The following SLC25A24 variants were observed in gnomAD, a reference collection of about 807,000 sequenced individuals.
The protein encoded by SLC25A24 is solute carrier family 25 member 24.
SLC25A24 carries 49 observed loss-of-function variants against 60.7 expected under a neutral mutation model. The observed-to-expected ratio is 0.81, with a 90% CI of 0.64 to 1.02. The LOEUF (loss-of-function observed/expected upper bound fraction) is 1.02. Among genes scored for constraint, SLC25A24 ranks in the 50% least tolerant of loss-of-function variants. The pLI is 0.00. For synonymous variants in SLC25A24, 202 were observed against 200.6 expected (o/e 1.01, Z -0.06); for missense variants, 564 against 586.3 (o/e 0.96, Z 0.39).
chr1:108,189,260 T>A (rs1273008365), intron 1 of SLC25A24, among the ~76,000 whole-genome samples: 2 of 152,188 alleles, frequency 1.3e-5, no homozygotes, highest in East Asian at 3.9e-4. Flanking sequence ...ACAATAGTCC[T>A]CCCTTATCCA....
chr1:108,134,544 A>T lies in SLC25A24; in HGVS notation c.*2109T>A, dbSNP rs1558003877. On this transcript the variant is annotated 3_prime_UTR_variant, in exon 10 of 10. Transcript: ENST00000565488. ...TGTGAACCCCAGGGCTGTAACTCTA[A>T]TGGGTAAATGTGGAATTTTGATATC... 1 of 152,132 alleles carries T rather than the reference A, an allele frequency of 6.6e-6. No homozygotes were observed. Among genetic ancestry groups the T allele is most frequent in the Non-Finnish European group, 1.5e-5 (1 of 68,012 alleles). The allele number at this position is 152,132 out of a possible 1,614,324, so 9.4% of individuals were successfully genotyped here. A position where few individuals can be genotyped will look rare whatever the true frequency, so the allele number is the denominator to read the frequency against.
chr1:108,182,036 A>C lies in SLC25A24; in HGVS notation c.311-8T>G, dbSNP rs141716024. ...CTGAAGCCTCAATTTTTCCTTTAAA[A>C]AAATAAAAAGGGCAAAAAATAAAAC... On this transcript the variant is annotated splice_region_variant and splice_polypyrimidine_tract_variant and intron_variant, in intron 2 of 9. Transcript: ENST00000565488. The C allele has an allele frequency of 6.3e-7, 1 of 1,583,686 alleles. No homozygotes were observed. The highest frequency in any genetic ancestry group is 2.2e-5 in the East Asian group (1 of 44,630).
intron 5 of SLC25A24, among the ~76,000 whole-genome samples, chr1:108,156,096 A>G (rs780543673): frequency 6.6e-5 from 10 of 152,310 alleles, no homozygotes; most frequent in Admixed American, 1.3e-4. Flanking sequence ...TTGGTCTGCA[A>G]TATTCCATGC....
intron 1 of SLC25A24, among the ~76,000 whole-genome samples, chr1:108,190,211 T>C (rs539280519): frequency 2.0e-5 from 3 of 152,196 alleles, no homozygotes; most frequent in Admixed American, 6.5e-5. Context: ...CGTTTCCTGA[T>C]TGGGGGCTGC....
At chr1:108,178,192 A>C (rs1261253494) in intron 3 of SLC25A24, among the ~76,000 whole-genome samples, 2 of 151,954 alleles carry the variant, frequency 1.3e-5, no homozygotes, top group African/African-American at 2.4e-5. Context: ...AACAACAAAT[A>C]AAATAAAATA....
chr1:108,160,731 C>T lies in SLC25A24; in HGVS notation c.510+451G>A, dbSNP rs112990040. Among the ~76,000 whole-genome samples, 832 of 152,336 alleles carry T rather than the reference C, an allele frequency of 5.5e-3. 6 individuals are homozygous for T. The highest frequency in any genetic ancestry group is 0.02 in the African/African-American group (814 of 41,578). ...GGGAGGCCGAGGCTGGTGGATCACTCGCGGTCAGGAGCTGGAGACCAGCCC... is the reference window on the plus strand; with the variant it reads ...GGGAGGCCGAGGCTGGTGGATCACTTGCGGTCAGGAGCTGGAGACCAGCCC... On this transcript the variant is annotated intron_variant, in intron 4 of 9. Coordinates refer to ENST00000565488, the MANE Select transcript of SLC25A24 (RefSeq NM_013386.5).
intron 3 of SLC25A24, among the ~76,000 whole-genome samples, chr1:108,163,413 C>A (rs932091780): frequency 6.7e-6 from 1 of 150,324 alleles, no homozygotes; most frequent in African/African-American, 2.5e-5. Context: ...GATACTGATT[C>A]TTCCTACCCA....
At chr1:108,150,064 T>A (rs1377803116) in intron 6 of SLC25A24, among the ~76,000 whole-genome samples, 1 of 152,188 alleles carries the variant, frequency 6.6e-6, no homozygotes, top group Non-Finnish European at 1.5e-5. Flanking sequence ...CCTATTAATT[T>A]TCCTGCATGT....
intron 3 of SLC25A24, among the ~76,000 whole-genome samples, chr1:108,166,514 A>T (rs1205647003): frequency 6.6e-6 from 1 of 151,704 alleles, no homozygotes; most frequent in Non-Finnish European, 1.5e-5. Flanking sequence ...TTTTTCTCTA[A>T]ACTTCCCTTC....
chr1:108,149,277 G>A (rs137897371), intron 6 of SLC25A24, among the ~76,000 whole-genome samples: 155 of 152,264 alleles, frequency 1.0e-3, no homozygotes, highest in South Asian at 2.9e-3. Flanking sequence ...TAGCTAACTG[G>A]ACCAAGGGTA....
intron 1 of SLC25A24, among the ~76,000 whole-genome samples, chr1:108,188,838 C>T (rs1169029892): frequency 1.3e-5 from 2 of 152,172 alleles, no homozygotes; most frequent in Non-Finnish European, 2.9e-5. Context: ...TGCATAGTTA[C>T]CTCTTCATGC....
intron 3 of SLC25A24, among the ~76,000 whole-genome samples, chr1:108,177,744 A>T (rs1647735322): frequency 6.6e-6 from 1 of 152,030 alleles, no homozygotes; most frequent in Admixed American, 6.5e-5. Context: ...CTTTTACTCC[A>T]CTCCTCCCAT....
chr1:108,171,355 T>C (rs1571299191), intron 3 of SLC25A24, among the ~76,000 whole-genome samples: 2 of 152,194 alleles, frequency 1.3e-5, no homozygotes, highest in Non-Finnish European at 2.9e-5. Flanking sequence ...TTGTCTAGTA[T>C]TGTAGTTGTC....
At chr1:108,197,997 G>A (rs1648546745) in intron 1 of SLC25A24, among the ~76,000 whole-genome samples, 3 of 152,138 alleles carry the variant, frequency 2.0e-5, no homozygotes, top group Admixed American at 1.3e-4. Flanking sequence ...CAGTTCCCTC[G>A]AGGCTGGGTT....
intron 6 of SLC25A24, among the ~76,000 whole-genome samples, chr1:108,149,149 GACAA>G (rs201012494): frequency 2.0e-5 from 3 of 152,122 alleles, no homozygotes; most frequent in Non-Finnish European, 4.4e-5. Flanking sequence ...ATAAATAGGT[GACAA>G]ACAAATATTA....
chr1:108,177,190 T>C (rs1303798137), intron 3 of SLC25A24, among the ~76,000 whole-genome samples: 1 of 152,056 alleles, frequency 6.6e-6, no homozygotes, highest in Non-Finnish European at 1.5e-5. Context: ...CAAGTTAAAA[T>C]AAACTATTAT....
At chr1:108,164,044 G>T (rs552863974) in intron 3 of SLC25A24, among the ~76,000 whole-genome samples, 67 of 152,304 alleles carry the variant, frequency 4.4e-4, no homozygotes, top group Admixed American at 2.0e-3. Context: ...CATCTATTGA[G>T]ATAATCATGT....
At chr1:108,146,177 T>C (rs180821596) in intron 7 of SLC25A24, among the ~76,000 whole-genome samples, 2 of 152,224 alleles carry the variant, frequency 1.3e-5, no homozygotes, top group South Asian at 2.1e-4. Context: ...TTTGTAGCAA[T>C]TGTGGATGGG....
At chr1:108,155,919 T>G (rs1347076583) in intron 5 of SLC25A24, among the ~76,000 whole-genome samples, 1 of 151,348 alleles carries the variant, frequency 6.6e-6, no homozygotes, top group Non-Finnish European at 1.5e-5. Flanking sequence ...TCTGATTGTT[T>G]CAGCTCACAT....
Sources: gnomAD v4.1 joint callset for allele counts (sites outside exome capture counted in the v4.1 genomes callset) on GRCh38, gnomAD v4.1.1 for gene constraint, MANE v1.5 for transcripts, NCBI Gene and HGNC (gene_info 2026-07-23, HGNC 2026-07-21) for gene names.